The following NUDT19 variants were observed in gnomAD, a reference collection of about 807,000 sequenced individuals.
The protein encoded by NUDT19 is acyl-coenzyme A diphosphatase NUDT19.
Under a neutral mutation model 22.2 loss-of-function variants are expected in NUDT19, and 31 were observed. The ratio of observed to expected loss-of-function variants is 1.40; its 90% CI spans 1.05 to 1.89. The LOEUF is 1.89. NUDT19 is among the 40% of genes most tolerant of loss of function. NUDT19 has a pLI of 0.00. For synonymous variants in NUDT19, 325 were observed against 230.8 expected (o/e 1.41, Z -3.70); for missense variants, 752 against 514.2 (o/e 1.46, Z -4.47).
In NUDT19 at chr19:32,691,987, C is replaced by T. The variant is rs1968186582; in HGVS notation, c.27C>T (p.Pro9=). 2.4e-6 allele frequency: 3 copies of T among 1,235,144 alleles called. No homozygotes were observed. Among genetic ancestry groups the T allele is most frequent in the African/African-American group, 1.6e-5 (1 of 63,878 alleles). 76.5% of individuals were successfully genotyped at this position (1,235,144 alleles called of 1,614,324 possible). Residue 9 remains proline, a synonymous_variant, in exon 1 of 3, where the codon CCC becomes CCT. Coordinates refer to ENST00000397061, the MANE Select transcript of NUDT19 (RefSeq NM_001105570.2). ...TGAGCAGCTCCCTGCGGCCGGGCCCCAGCCGCTGGCGGCGGGCGGCCAGCA... is the reference window on the plus strand; with the variant it reads ...TGAGCAGCTCCCTGCGGCCGGGCCCTAGCCGCTGGCGGCGGGCGGCCAGCA... MSSSLRPG[P]SRWRRAASIV... is the part of the protein sequence containing the mutation.
intron 1 of NUDT19, among the ~76,000 whole-genome samples, chr19:32,702,600 T>C (rs1224331924): frequency 6.6e-6 from 1 of 152,028 alleles, no homozygotes; most frequent in East Asian, 1.9e-4. Flanking sequence ...AGAGCGAGAC[T>C]CCATCTCCAA....
intron 1 of NUDT19, among the ~76,000 whole-genome samples, chr19:32,701,199 G>GTTTTTTTTTTTTTTTT (rs3042685): frequency 9.9e-6 from 1 of 101,032 alleles, no homozygotes; most frequent in Non-Finnish European, 1.8e-5. Flanking sequence ...CATCTTGCAG[G>GTTTTTTTTTTTTTTTT]TTTTTTTTTT....
intron 1 of NUDT19, among the ~76,000 whole-genome samples, chr19:32,699,097 TC>T (rs1968301086): frequency 1.3e-5 from 2 of 152,038 alleles, no homozygotes; most frequent in African/African-American, 4.8e-5. Context: ...TTCCAGATAA[TC>T]CCCCCTACGA....
chr19:32,699,228 A>G (rs1436070395), intron 1 of NUDT19, among the ~76,000 whole-genome samples: 1 of 152,204 alleles, frequency 6.6e-6, no homozygotes, highest in African/African-American at 2.4e-5. Flanking sequence ...GAAAAGCACC[A>G]GAGATGGAGT....
At position 32,709,165 on chromosome 19, in the gene NUDT19, C is replaced by A; in HGVS notation, c.715-20C>A. On this transcript the variant is annotated intron_variant, in intron 1 of 2. Transcript: ENST00000397061. Reference sequence around the variant, plus strand: ...GTCTATGGCATAAACCTTAAGAAACCCTGCCTTTGTCTTTCACAGTGGTCA... The same window carrying A: ...GTCTATGGCATAAACCTTAAGAAACACTGCCTTTGTCTTTCACAGTGGTCA... 6.4e-7 allele frequency: 1 copy of A among 1,574,598 alleles called. No individual in the cohort carries two copies. Among genetic ancestry groups the A allele is most frequent in the East Asian group, 2.2e-5 (1 of 44,678 alleles).
At chr19:32,701,203 T>C (rs1249498511) in intron 1 of NUDT19, among the ~76,000 whole-genome samples, 4 of 67,356 alleles carry the variant, frequency 5.9e-5, no homozygotes, top group Admixed American at 4.1e-4. Context: ...TTGCAGGTTT[T>C]TTTTTTTTTT....
rs750527359 is a variant in NUDT19, at chr19:32,711,880, G to A, written c.1051G>A (p.Asp351Asn). The A allele has an allele frequency of 1.2e-6, 2 of 1,613,928 alleles. No individual in the cohort carries two copies. The highest frequency in any genetic ancestry group is 3.3e-5 in the Admixed American group (2 of 60,014). The change falls in exon 3 of 3, where the codon GAT becomes AAT. Residue 351 changes from aspartate (D) to asparagine (N), a missense_variant. By Grantham distance (23) the Asp-to-Asn change is conservative (BLOSUM62 1). Coordinates refer to ENST00000397061, the MANE Select transcript of NUDT19 (RefSeq NM_001105570.2). Reference sequence around the variant, plus strand: ...AGTGACATACCATCGCCACCTTTATGATATCCACGTGACTGTTCAGCCAAA... The same window carrying A: ...AGTGACATACCATCGCCACCTTTATAATATCCACGTGACTGTTCAGCCAAA... ...RIVTYHRHLY[D>N]IHVTVQPKYK...
Position 32,709,241 on chromosome 19 carries a change from A to G in NUDT19, c.771A>G (p.Pro257=). 1 of 1,614,092 alleles carries G rather than the reference A, an allele frequency of 6.2e-7. No individual in the cohort carries two copies. The highest frequency in any genetic ancestry group is 1.7e-5 in the Admixed American group (1 of 59,998). Reference sequence around the variant, plus strand: ...TCTTATCAAAAGAAATTTGGTTGCCACCCCCACAGTTCTACGAAGTGAGAA... The same window carrying G: ...TCTTATCAAAAGAAATTTGGTTGCCGCCCCCACAGTTCTACGAAGTGAGAA... ...ESFLSKEIWL[P]PPQFYEVRRL... The change falls in exon 2 of 3, where the codon CCA becomes CCG. Residue 257 remains proline, a synonymous_variant. Coordinates refer to ENST00000397061, the MANE Select transcript of NUDT19 (RefSeq NM_001105570.2).
chr19:32,701,395 G>A (rs922441242), intron 1 of NUDT19, among the ~76,000 whole-genome samples: 1 of 151,764 alleles, frequency 6.6e-6, no homozygotes, highest in Non-Finnish European at 1.5e-5. Flanking sequence ...TAGTAGGGAC[G>A]GGTTTCACTG....
intron 2 of NUDT19, among the ~76,000 whole-genome samples, chr19:32,711,293 T>C (rs916549134): frequency 3.9e-5 from 6 of 151,932 alleles, no homozygotes. Flanking sequence ...GCGAAACCTG[T>C]CTCTACTAAC....
chr19:32,692,498 C>T lies in NUDT19; in HGVS notation c.538C>T (p.Arg180Trp), dbSNP rs1373281598. 1 of 1,553,944 alleles carries T rather than the reference C, an allele frequency of 6.4e-7. No homozygotes were observed. ...GCGCCAGGACCCGCGCCACTTCCTG[C>T]GGCTGTGCGCCCACCTCGACTGCAC... ...RVRQDPRHFL[R>W]LCAHLDCTPD... The change falls in exon 1 of 3, where the codon CGG becomes TGG. Residue 180 changes from arginine (R) to tryptophan (W), a missense_variant. Transcript: ENST00000397061.
In NUDT19 at chr19:32,709,170, C is replaced by G; in HGVS notation, c.715-15C>G. On this transcript the variant is annotated splice_polypyrimidine_tract_variant and intron_variant, in intron 1 of 2. Transcript: ENST00000397061. ...TGGCATAAACCTTAAGAAACCCTGCCTTTGTCTTTCACAGTGGTCATCTCC... is the reference window on the plus strand; with the variant it reads ...TGGCATAAACCTTAAGAAACCCTGCGTTTGTCTTTCACAGTGGTCATCTCC... 1 of 1,593,558 alleles carries G rather than the reference C, an allele frequency of 6.3e-7. No individual in the cohort carries two copies. Among genetic ancestry groups the G allele is most frequent in the Non-Finnish European group, 8.6e-7 (1 of 1,162,738 alleles).
chr19:32,697,870 A>G (rs1968283541), intron 1 of NUDT19, among the ~76,000 whole-genome samples: 1 of 152,214 alleles, frequency 6.6e-6, no homozygotes, highest in Admixed American at 6.5e-5. Flanking sequence ...TCTGCTTAAA[A>G]TCAGAGAGGG....
At chr19:32,707,057 C>T (rs776086662) in intron 1 of NUDT19, among the ~76,000 whole-genome samples, 1 of 152,190 alleles carries the variant, frequency 6.6e-6, no homozygotes, top group Non-Finnish European at 1.5e-5. Flanking sequence ...TGATTACAGG[C>T]GTGAGCCACT....
chr19:32,695,324 C>T (rs554605068), intron 1 of NUDT19, among the ~76,000 whole-genome samples: 8 of 152,232 alleles, frequency 5.3e-5, no homozygotes, highest in African/African-American at 1.4e-4. Context: ...GAATTACAGG[C>T]GCCCGCCACC....
chr19:32,692,756 A>AC (rs1485483433), intron 1 of NUDT19, 82 bp downstream of exon 1: 1 of 1,095,378 alleles, frequency 9.1e-7, no homozygotes. Flanking sequence ...CCCCCAAGGG[A>AC]CCCCCGCATA....
intron 1 of NUDT19, among the ~76,000 whole-genome samples, chr19:32,707,924 G>A (rs1968404435): frequency 6.6e-6 from 1 of 151,194 alleles, no homozygotes; most frequent in Non-Finnish European, 1.5e-5. Flanking sequence ...CTTGCAGTGA[G>A]CTGAGATCAC....
At chr19:32,693,434 A>G (rs1968226560) in intron 1 of NUDT19, among the ~76,000 whole-genome samples, 1 of 152,212 alleles carries the variant, frequency 6.6e-6, no homozygotes, top group Non-Finnish European at 1.5e-5. Context: ...CAGCTTATAA[A>G]GGTAGTGCGG....
rs1968183646 is a variant in NUDT19, at chr19:32,691,862, T to A, written c.-99T>A. Reference sequence around the variant, plus strand: ...CCAACGCCAGAGGCTCGTCCTCAATTCCCGCGAGGCCCCCGGAGGTGCTGG... The same window carrying A: ...CCAACGCCAGAGGCTCGTCCTCAATACCCGCGAGGCCCCCGGAGGTGCTGG... On this transcript the variant is annotated 5_prime_UTR_variant, in exon 1 of 3. Transcript: ENST00000397061. 1.6e-6 allele frequency: 1 copy of A among 630,728 alleles called. No homozygotes were observed. The highest frequency in any genetic ancestry group is 2.2e-6 in the Non-Finnish European group (1 of 453,224). 39.1% of individuals were successfully genotyped at this position (630,728 alleles called of 1,614,324 possible).
Sources: gnomAD v4.1 joint callset for allele counts (sites outside exome capture counted in the v4.1 genomes callset) on GRCh38, gnomAD v4.1.1 for gene constraint, MANE v1.5 for transcripts, NCBI Gene and HGNC (gene_info 2026-07-23, HGNC 2026-07-21) for gene names.